The following WLS variants were observed in gnomAD, a reference collection of about 807,000 sequenced individuals.
WLS encodes Wnt ligand secretion mediator.
Under a neutral mutation model 62.8 loss-of-function variants are expected in WLS, and 23 were observed. The observed-to-expected ratio is 0.37, with a 90% CI of 0.26 to 0.52. WLS has a LOEUF of 0.52. Among genes scored for constraint, WLS ranks in the 20% least tolerant of loss-of-function variants. WLS has a pLI of 0.92. For missense variants in WLS, 615 were observed against 697.3 expected, an observed-to-expected ratio of 0.88 and a Z score of 1.33; for synonymous variants, 246 against 244.1, an observed-to-expected ratio of 1.01 and a Z score of -0.07.
chr1:68,178,753 T>C (rs1407934655), intron 2 of WLS, among the ~76,000 whole-genome samples: 3 of 151,544 alleles, frequency 2.0e-5, no homozygotes, highest in Non-Finnish European at 4.4e-5. Context: ...AAAAGAGGGT[T>C]ATGATGGTTT....
chr1:68,185,857 A>G (rs1647903934), intron 2 of WLS, among the ~76,000 whole-genome samples: 2 of 152,142 alleles, frequency 1.3e-5, no homozygotes, highest in African/African-American at 2.4e-5. Flanking sequence ...AGGCTTCATT[A>G]CCTAGGCATG....
At chr1:68,208,158 C>T (rs1443216389) in intron 1 of WLS, among the ~76,000 whole-genome samples, 1 of 152,210 alleles carries the variant, frequency 6.6e-6, no homozygotes, top group Non-Finnish European at 1.5e-5. Flanking sequence ...TTTGAGGGAA[C>T]ACAGAATTAA....
chr1:68,135,341 G>A (rs1646593113), intron 11 of WLS, among the ~76,000 whole-genome samples: 1 of 139,394 alleles, frequency 7.2e-6, no homozygotes, highest in Non-Finnish European at 1.5e-5. Context: ...GTAGAGATGG[G>A]GTTTCACTAT....
chr1:68,126,358 A>C, intron 11 of WLS, 23 bp from the exon 12 acceptor site: 1 of 1,613,608 alleles, frequency 6.2e-7, no homozygotes, highest in Non-Finnish European at 8.5e-7. Flanking sequence ...TTTCGGTGTT[A>C]GATGCATTCA....
At chr1:68,196,457 C>T (rs550982266) in intron 1 of WLS, among the ~76,000 whole-genome samples, 31 of 152,048 alleles carry the variant, frequency 2.0e-4, no homozygotes, top group African/African-American at 7.2e-4. Flanking sequence ...TGCAGAAATT[C>T]TCTCTTATTT....
intron 11 of WLS, 54 bp from the exon 12 acceptor site, chr1:68,126,389 T>G (rs1646431860): frequency 1.2e-6 from 2 of 1,607,442 alleles, no homozygotes. Context: ...AGAAGCAAGC[T>G]GGGGTTCATC....
In WLS at chr1:68,207,313, G is replaced by T. The variant is rs575300753; in HGVS notation, c.107-13086C>A. On this transcript the variant is annotated intron_variant, in intron 1 of 11. Coordinates refer to ENST00000262348, the MANE Select transcript of WLS (RefSeq NM_024911.7). ...ACATTCCAATACAATGAAATAATTT[G>T]GATCATGTCCAGCCTCTATTTTTTA... 1.2e-4 allele frequency among the ~76,000 whole-genome samples: 19 copies of T among 152,268 alleles called. No homozygotes were observed. The South Asian group carries it at 3.9e-3, about 32-fold the overall frequency.
chr1:68,222,811 G>A (rs1166308697), intron 1 of WLS, among the ~76,000 whole-genome samples: 1 of 151,192 alleles, frequency 6.6e-6, no homozygotes, highest in Non-Finnish European at 1.5e-5. Flanking sequence ...GATTCAAGTA[G>A]CCACACTCAT....
chr1:68,102,824 T>C (rs1179912574), intron 11 of WLS: 4 of 152,360 alleles, frequency 2.6e-5, no homozygotes, highest in Non-Finnish European at 4.4e-5. Flanking sequence ...CCAAGGTGGC[T>C]TGATTGCCTG....
chr1:68,179,746 A>G (rs1647440597), intron 2 of WLS, among the ~76,000 whole-genome samples: 1 of 152,060 alleles, frequency 6.6e-6, no homozygotes, highest in South Asian at 2.1e-4. Flanking sequence ...CTTCATCTCC[A>G]TTTCCTCTTT....
chr1:68,231,739 T>A (rs957938614), intron 1 of WLS: 1 of 464,284 alleles, frequency 2.2e-6, no homozygotes. Context: ...GAGCTCCGGG[T>A]TTGCGCCGGG....
intron 2 of WLS, among the ~76,000 whole-genome samples, chr1:68,173,545 T>A (rs1198643858): frequency 6.6e-6 from 1 of 152,178 alleles, no homozygotes; most frequent in East Asian, 1.9e-4. Flanking sequence ...AGGAAAGGGA[T>A]GGCTAATTTA....
chr1:68,137,234 A>G (rs927831935), intron 11 of WLS, among the ~76,000 whole-genome samples: 1 of 151,832 alleles, frequency 6.6e-6, no homozygotes, highest in Non-Finnish European at 1.5e-5. Context: ...TGTGATTATA[A>G]GATATAAAAA....
chr1:68,217,869 C>T (rs1649794560), intron 1 of WLS, among the ~76,000 whole-genome samples: 2 of 152,160 alleles, frequency 1.3e-5, no homozygotes, highest in African/African-American at 4.8e-5. Flanking sequence ...GGCAAGGACA[C>T]AGCGGTTGAT....
chr1:68,124,544 G>T (rs1045388679), downstream of WLS, among the ~76,000 whole-genome samples: 1 of 139,244 alleles, frequency 7.2e-6, no homozygotes, highest in East Asian at 2.0e-4. Context: ...ATAGAGAAAC[G>T]TTCCCTCTAT....
At chr1:68,114,537 C>T (rs1557449005) in intron 11 of WLS, among the ~76,000 whole-genome samples, 1 of 152,206 alleles carries the variant, frequency 6.6e-6, no homozygotes, top group Admixed American at 6.5e-5. Context: ...GTATAATCCT[C>T]ATTTCTGCAG....
chr1:68,134,785 A>C (rs1423453680), intron 11 of WLS, among the ~76,000 whole-genome samples: 2 of 152,230 alleles, frequency 1.3e-5, no homozygotes, highest in Non-Finnish European at 2.9e-5. Flanking sequence ...TCTTTGATGA[A>C]AAACTCTGTT....
intron 1 of WLS, among the ~76,000 whole-genome samples, chr1:68,217,206 A>G (rs1649765445): frequency 6.6e-6 from 1 of 152,170 alleles, no homozygotes; most frequent in South Asian, 2.1e-4. Flanking sequence ...CTCTCACACT[A>G]TAAACAAACC....
chr1:68,175,079 GGCCTACTGGCCT>G (rs1366019007), intron 2 of WLS, among the ~76,000 whole-genome samples: 1 of 152,168 alleles, frequency 6.6e-6, no homozygotes, highest in Non-Finnish European at 1.5e-5. Context: ...CCATCAAAGA[GGCCTACTGGCCT>G]GTTCTCCCTC....
Sources: gnomAD v4.1 joint callset for allele counts (sites outside exome capture counted in the v4.1 genomes callset) on GRCh38, gnomAD v4.1.1 for gene constraint, MANE v1.5 for transcripts, NCBI Gene and HGNC (gene_info 2026-07-23, HGNC 2026-07-21) for gene names.